Variants in TUBA3C observed in about 807,000 individuals in gnomAD.
TUBA3C encodes the protein tubulin alpha-3C chain.
TUBA3C carries 23 observed loss-of-function variants against 33.4 expected under a neutral mutation model. That is an observed-to-expected ratio of 0.69 (90% CI 0.50 to 0.98). The LOEUF (loss-of-function observed/expected upper bound fraction) is 0.98. Among genes scored for constraint, TUBA3C ranks in the 50% least tolerant of loss-of-function variants. The pLI, the probability that TUBA3C is intolerant of heterozygous loss-of-function variation, is 0.00. For missense variants in TUBA3C, 402 were observed against 616.0 expected, an observed-to-expected ratio of 0.65 and a Z score of 3.68; for synonymous variants, 269 against 250.4, an observed-to-expected ratio of 1.07 and a Z score of -0.70.
At chr13:19,174,520 G>A (rs2138953178) in intron 4 of TUBA3C, among the ~76,000 whole-genome samples, 1 of 152,074 alleles carries the variant, frequency 6.6e-6, no homozygotes, top group East Asian at 1.9e-4. Flanking sequence ...GAAAAGGTAG[G>A]TTGAACTTAG....
rs5802006 is a variant in TUBA3C, at chr13:19,177,846, G to GT, written c.376-240dup. 0.13 allele frequency among the ~76,000 whole-genome samples: 16,508 copies of GT among 128,420 alleles called. 1,201 individuals carry two copies. The highest frequency in any genetic ancestry group is 0.2 in the African/African-American group (6,941 of 34,886). 84.2% of individuals were successfully genotyped at this position (128,420 alleles called of 152,430 possible). On this transcript the variant is annotated intron_variant, in intron 3 of 4. Transcript: ENST00000400113. The surrounding 1 kb of genome is among the most constrained non-coding windows in gnomAD (Gnocchi z 5.0). ...AGGACTCAAGATACTGTTCTAAGTT[G>GT]TTTTTTTTTTTTTTTTTTTAGATAG...
At position 19,181,775 on chromosome 13, in the gene TUBA3C, A is replaced by G. The variant is rs1010265608; in HGVS notation, c.-28T>C. The G allele has an allele frequency of 8.7e-6, 14 of 1,601,404 alleles. 1 individual carries two copies. The highest frequency in any genetic ancestry group is 2.2e-5 in the East Asian group (1 of 44,864). ...TGAGCTCCTCCGCTGCCGCAGCCCA[A>G]CGCTACTACTTGACCTCAACCGCCG... On this transcript the variant is annotated 5_prime_UTR_variant, in exon 1 of 5. Coordinates refer to ENST00000400113, the MANE Select transcript of TUBA3C (RefSeq NM_006001.3).
intron 2 of TUBA3C, among the ~76,000 whole-genome samples, chr13:19,178,714 T>C (rs1869291849): frequency 6.6e-6 from 1 of 152,188 alleles, no homozygotes; most frequent in African/African-American, 2.4e-5. Flanking sequence ...TACATAATTC[T>C]TTCCTACATG....
At chr13:19,174,308 G>C in intron 4 of TUBA3C, 149 bp from the exon 5 acceptor site, 1 of 1,262,708 alleles carries the variant, frequency 7.9e-7, no homozygotes, top group Non-Finnish European at 1.1e-6. Context: ...CTCTGTGCCA[G>C]GCAGGGTGAC....
chr13:19,177,008 C>T lies in TUBA3C; in HGVS notation c.975G>A (p.Pro325=), dbSNP rs891518916. The T allele has an allele frequency of 1.2e-5, 20 of 1,613,968 alleles. No homozygotes were observed. Among genetic ancestry groups the T allele is most frequent in the South Asian group, 6.6e-5 (6 of 91,090 alleles). The change falls in exon 4 of 5, where the codon CCG becomes CCA. Residue 325 remains proline, a synonymous_variant. Coordinates refer to ENST00000400113, the MANE Select transcript of TUBA3C (RefSeq NM_006001.3). The surrounding 1 kb of genome is among the most constrained non-coding windows in gnomAD (Gnocchi z 5.0). ...CCMLYRGDVV[P]KDVNAAIATI... Reference sequence around the variant, plus strand: ...TGGCGATGGCCGCGTTGACATCTTTCGGGACCACATCCCCCCTGTACAACA... The same window carrying T: ...TGGCGATGGCCGCGTTGACATCTTTTGGGACCACATCCCCCCTGTACAACA...
At position 19,179,398 on chromosome 13, in the gene TUBA3C, CA is replaced by C. The variant is rs764773670; in HGVS notation, c.168del (p.Gly57GlufsTer36). ...DDSFNTFFSETGAGKHVPRAV... is the reference protein window; with the variant it reads ...DDSFNTFFSEXGAGKHVPRAV... The stretch of plus-strand genomic sequence containing the variant: ...GCTCTGGGCACGTGCTTGCCAGCTC[CA>C]GTCTCACTGAAGAACGTGTTGAAGG... On this transcript the variant is annotated frameshift_variant, in exon 2 of 5. Transcript: ENST00000400113. LOFTEE classifies it high-confidence loss of function. 4 of 1,614,010 alleles carry C rather than the reference CA, an allele frequency of 2.5e-6. No individual in the cohort carries two copies. In the Admixed American group the frequency reaches 6.7e-5, roughly 27 times the overall value.
At position 19,179,374 on chromosome 13, in the gene TUBA3C, C is replaced by T. The variant is rs780666372; in HGVS notation, c.193G>A (p.Ala65Thr). The T allele has an allele frequency of 3.1e-6, 5 of 1,614,000 alleles. No homozygotes were observed. Among genetic ancestry groups the T allele is most frequent in the Non-Finnish European group, 4.2e-6 (5 of 1,179,888 alleles). Reference sequence around the variant, plus strand: ...GTGGGCTCCAGGTCCACAAACACTGCTCTGGGCACGTGCTTGCCAGCTCCA... The same window carrying T: ...GTGGGCTCCAGGTCCACAAACACTGTTCTGGGCACGTGCTTGCCAGCTCCA... ...ETGAGKHVPRAVFVDLEPTVV... is the reference protein window; with the variant it reads ...ETGAGKHVPRTVFVDLEPTVV... The change falls in exon 2 of 5, where the codon GCA becomes ACA. Residue 65 changes from alanine to threonine, a missense_variant. Transcript: ENST00000400113.
Position 19,178,385 on chromosome 13 carries a change from C to T in TUBA3C, c.236G>A (p.Arg79His), listed in dbSNP as rs749451333. The T allele has an allele frequency of 1.2e-5, 19 of 1,613,836 alleles. No homozygotes were observed. The highest frequency in any genetic ancestry group is 3.3e-5 in the South Asian group (3 of 91,034). ...GAAGAGCTGCCTATAGGTTCCTGTGCGCACTTCATCTACAAAAGAGACCGT... is the reference window on the plus strand; with the variant it reads ...GAAGAGCTGCCTATAGGTTCCTGTGTGCACTTCATCTACAAAAGAGACCGT... Reference protein sequence around the residue: ...DLEPTVVDEVRTGTYRQLFHP... With the variant: ...DLEPTVVDEVHTGTYRQLFHP... The change falls in exon 3 of 5, where the codon CGC becomes CAC. Residue 79 changes from arginine (R) to histidine (H), a missense_variant. Transcript: ENST00000400113.
At chr13:19,179,274 T>A in intron 2 of TUBA3C, 67 bp downstream of exon 2, 2 of 1,597,782 alleles carry the variant, frequency 1.3e-6, no homozygotes, top group Non-Finnish European at 1.7e-6. Flanking sequence ...GGAGCCCACA[T>A]GGGGCCTTAC....
rs771643542 is a variant in TUBA3C at position 19,174,139 on chromosome 13, G to A, written c.1077C>T (p.Pro359=). 4 of 1,612,264 alleles carry A rather than the reference G, an allele frequency of 2.5e-6. No homozygotes were observed. The highest frequency in any genetic ancestry group is 2.5e-6 in the Non-Finnish European group (3 of 1,178,754). Residue 359 remains proline (P), a synonymous_variant, in exon 5 of 5, where the codon CCC becomes CCT. Coordinates refer to ENST00000400113, the MANE Select transcript of TUBA3C (RefSeq NM_006001.3). ...TGFKVGINYQ[P]PTVVPGGDLA... Reference sequence around the variant, plus strand: ...GGTCTCCCCCAGGGACCACCGTGGGGGGCTGGTAGTTAATGCCCACCTGCC... The same window carrying A: ...GGTCTCCCCCAGGGACCACCGTGGGAGGCTGGTAGTTAATGCCCACCTGCC...
In TUBA3C at chr13:19,177,589, G is replaced by C. The variant is rs751358319; in HGVS notation, c.394C>G (p.Leu132Val). 1.9e-6 allele frequency: 3 copies of C among 1,600,070 alleles called. No individual in the cohort carries two copies. In the East Asian group the frequency reaches 6.7e-5, roughly 36 times the overall value. ...CTGTGGAAGATGAGGAAGCCCTGCA[G>C]TCCCGTGCACAGATCCGCCTGAGGG... ...IRKLADLCTG[L>V]QGFLIFHSFG... Residue 132 changes from leucine to valine, a missense_variant, in exon 4 of 5, where the codon CTG (leucine) becomes GTG (valine). Transcript: ENST00000400113. This position sits in a 1 kb window ranked among gnomAD's most constrained non-coding sequence, Gnocchi z 5.0.
intron 4 of TUBA3C, among the ~76,000 whole-genome samples, 168 bp from the exon 5 acceptor site, chr13:19,174,327 A>C: frequency 6.6e-6 from 1 of 152,100 alleles, no homozygotes; most frequent in East Asian, 1.9e-4. Context: ...ACAGTTCCAG[A>C]CAACATATGT....
chr13:19,179,285 C>G, intron 2 of TUBA3C, 56 bp downstream of exon 2: 1 of 1,604,260 alleles, frequency 6.2e-7, no homozygotes, highest in Non-Finnish European at 8.5e-7. Context: ...GGGGCCTTAC[C>G]GACGATGCTC....
chr13:19,180,713 T>G (rs551348060), intron 1 of TUBA3C, among the ~76,000 whole-genome samples: 4 of 151,990 alleles, frequency 2.6e-5, no homozygotes, highest in African/African-American at 4.8e-5. Context: ...GCCAGGATGG[T>G]CTCGATCTCC....
chr13:19,177,742 CTG>C lies in TUBA3C; in HGVS notation c.376-137_376-136del. On this transcript the variant is annotated intron_variant, in intron 3 of 4. Coordinates refer to ENST00000400113, the MANE Select transcript of TUBA3C (RefSeq NM_006001.3). The surrounding 1 kb of genome is among the most constrained non-coding windows in gnomAD (Gnocchi z 5.0). ...ATCCATAATAAACACGCAGTACACT[CTG>C]AAGCAAAGAAAAGCAGACAAAGATC... The C allele has an allele frequency of 8.4e-7, 1 of 1,191,376 alleles. No individual in the cohort carries two copies. The highest frequency in any genetic ancestry group is 1.2e-6 in the Non-Finnish European group (1 of 868,906). 73.8% of individuals were successfully genotyped at this position (1,191,376 alleles called of 1,614,324 possible).
chr13:19,176,832 G>T, intron 4 of TUBA3C, 95 bp downstream of exon 4: 1 of 1,378,302 alleles, frequency 7.3e-7, no homozygotes, highest in Non-Finnish European at 9.7e-7. Flanking sequence ...AATAGGGGTA[G>T]TATCCTCAAA....
chr13:19,181,759 C>A lies in TUBA3C; in HGVS notation c.-12G>T, dbSNP rs1307772193. ...CCTGGCCTTACCATGTTGAGCTCCT[C>A]CGCTGCCGCAGCCCAACGCTACTAC... is the stretch of plus-strand genomic sequence containing the variant. On this transcript the variant is annotated 5_prime_UTR_variant, in exon 1 of 5. Coordinates refer to ENST00000400113, the MANE Select transcript of TUBA3C (RefSeq NM_006001.3). 6.2e-7 allele frequency: 1 copy of A among 1,602,392 alleles called. No homozygotes were observed. The highest frequency in any genetic ancestry group is 1.1e-5 in the South Asian group (1 of 91,048).
intron 2 of TUBA3C, 117 bp from the exon 3 acceptor site, chr13:19,178,511 T>C: frequency 7.3e-7 from 1 of 1,375,794 alleles, no homozygotes; most frequent in Non-Finnish European, 9.8e-7. Flanking sequence ...ATGACCTACA[T>C]GTTGTAGGTC....
chr13:19,180,476 T>C (rs148528639), intron 1 of TUBA3C, among the ~76,000 whole-genome samples: 1 of 151,996 alleles, frequency 6.6e-6, no homozygotes, highest in East Asian at 2.0e-4. Context: ...TTGGGACCAG[T>C]TTGAGACCAG....
Sources: gnomAD v4.1 joint callset for allele counts (sites outside exome capture counted in the v4.1 genomes callset) on GRCh38, gnomAD v4.1.1 for gene constraint, Gnocchi (gnomAD v3.1) non-coding constraint, MANE v1.5 for transcripts, NCBI Gene and HGNC (gene_info 2026-07-23, HGNC 2026-07-21) for gene names.